PEX7: variants seen among roughly 807,000 people sequenced by gnomAD.
PEX7 encodes peroxisomal biogenesis factor 7.
A neutral mutation model predicts 47.5 loss-of-function variants in PEX7; 34 were observed. The ratio of observed to expected loss-of-function variants is 0.72; its 90% CI spans 0.54 to 0.95. The LOEUF (loss-of-function observed/expected upper bound fraction) is 0.95. PEX7 is among the 40% of genes least tolerant of loss of function. PEX7 has a pLI of 0.00. For synonymous variants in PEX7, 141 were observed against 148.8 expected, an observed-to-expected ratio of 0.95 and a Z score of 0.38; for missense variants, 394 against 400.3, an observed-to-expected ratio of 0.98 and a Z score of 0.13.
intron 9 of PEX7, among the ~76,000 whole-genome samples, chr6:136,902,941 A>G (rs1021322969): frequency 6.6e-6 from 1 of 152,170 alleles, no homozygotes; most frequent in Non-Finnish European, 1.5e-5. Flanking sequence ...ATAAGCTTTA[A>G]TGTTTTCCTC....
At chr6:136,908,830 T>C (rs576064378) in intron 9 of PEX7, among the ~76,000 whole-genome samples, 9 of 152,316 alleles carry the variant, frequency 5.9e-5, no homozygotes, top group African/African-American at 1.9e-4. Context: ...CTCGGATGTA[T>C]CCCACTGCCT....
At chr6:136,881,794 C>A (rs989729587) in intron 8 of PEX7, among the ~76,000 whole-genome samples, 5 of 152,166 alleles carry the variant, frequency 3.3e-5, no homozygotes, top group Non-Finnish European at 5.9e-5. Context: ...ACTTTTCTCT[C>A]CACTGTTAAA....
rs565749468 is a variant in PEX7 at position 136,865,308 on chromosome 6, A to AT, written c.527-1312dup. On this transcript the variant is annotated intron_variant, in intron 5 of 9. Transcript: ENST00000318471. ...TCTCTCACTCTTTATTTATTTATTTATTTTTTTGAGATAGAATTTCACTCT... is the reference window on the plus strand; with the variant it reads ...TCTCTCACTCTTTATTTATTTATTTATTTTTTTTGAGATAGAATTTCACTCT... Among the ~76,000 whole-genome samples, 7 of 151,858 alleles carry AT rather than the reference A, an allele frequency of 4.6e-5. No homozygotes were observed. The East Asian group carries it at 1.4e-3, about 29-fold the overall frequency.
chr6:136,872,262 G>GT lies in PEX7; in HGVS notation c.803+14dup, dbSNP rs777087989. On this transcript the variant is annotated intron_variant, in intron 8 of 9. Coordinates refer to ENST00000318471, the MANE Select transcript of PEX7 (RefSeq NM_000288.4). ...TATGATTTTACTGTAAGGTACAGTG[G>GT]TTTTTAATACATTTCATTGTGAAAT... The GT allele has an allele frequency of 2.7e-5, 44 of 1,604,844 alleles. No individual in the cohort carries two copies. The South Asian group carries it at 4.8e-4, about 17-fold the overall frequency.
chr6:136,863,086 T>G (rs1162924882), intron 5 of PEX7, among the ~76,000 whole-genome samples: 1 of 152,208 alleles, frequency 6.6e-6, no homozygotes, highest in African/African-American at 2.4e-5. Flanking sequence ...TTGGAGTTAT[T>G]TGAAGCTCTA....
At position 136,863,868 on chromosome 6, in the gene PEX7, C is replaced by T. The variant is rs182138935; in HGVS notation, c.527-2759C>T. 3.9e-5 allele frequency among the ~76,000 whole-genome samples: 6 copies of T among 152,298 alleles called. No homozygotes were observed. The East Asian group carries it at 7.7e-4, about 20-fold the overall frequency. On this transcript the variant is annotated intron_variant, in intron 5 of 9. Coordinates refer to ENST00000318471, the MANE Select transcript of PEX7 (RefSeq NM_000288.4). ...AGGTTGCAGTGAGCTGAGATCGCATCACTGCACTCCAGCCTGGAAATTAAA... is the reference window on the plus strand; with the variant it reads ...AGGTTGCAGTGAGCTGAGATCGCATTACTGCACTCCAGCCTGGAAATTAAA...
intron 5 of PEX7, among the ~76,000 whole-genome samples, chr6:136,863,504 AT>A (rs1775003268): frequency 6.6e-6 from 1 of 152,212 alleles, no homozygotes. Flanking sequence ...TATTACCAAA[AT>A]GCAAACTAAA....
At chr6:136,844,409 G>A (rs1476961790) in intron 3 of PEX7, among the ~76,000 whole-genome samples, 1 of 152,032 alleles carries the variant, frequency 6.6e-6, no homozygotes, top group Admixed American at 6.6e-5. Context: ...TACAGCTTAG[G>A]GTTTTGATCT....
intron 8 of PEX7, among the ~76,000 whole-genome samples, chr6:136,889,029 G>T (rs1775513762): frequency 6.6e-6 from 1 of 152,052 alleles, no homozygotes; most frequent in Admixed American, 6.6e-5. Flanking sequence ...CAAATCAAGT[G>T]TAATATGCAA....
At chr6:136,826,760 G>A (rs554690344) in intron 3 of PEX7, among the ~76,000 whole-genome samples, 2 of 152,202 alleles carry the variant, frequency 1.3e-5, no homozygotes, top group East Asian at 1.9e-4. Flanking sequence ...CTTTCTTTGT[G>A]CTCTAAGAAT....
chr6:136,846,897 GATCCTTGAGGA>G (rs1383792761), intron 5 of PEX7, among the ~76,000 whole-genome samples: 2 of 152,276 alleles, frequency 1.3e-5, no homozygotes, highest in East Asian at 3.9e-4. Context: ...TCTAGTTCTA[GATCCTTGAGGA>G]ATCGCCACAC....
intron 5 of PEX7, among the ~76,000 whole-genome samples, chr6:136,858,596 C>A (rs1304065285): frequency 6.6e-6 from 1 of 152,170 alleles, no homozygotes; most frequent in Non-Finnish European, 1.5e-5. Context: ...TTTTAAATCC[C>A]AGCTGAATCT....
At chr6:136,843,208 G>C (rs904349519) in intron 3 of PEX7, among the ~76,000 whole-genome samples, 1 of 152,174 alleles carries the variant, frequency 6.6e-6, no homozygotes, top group African/African-American at 2.4e-5. Flanking sequence ...CTCTGGACAA[G>C]TTACTTAACC....
chr6:136,826,363 A>G lies in PEX7; in HGVS notation c.233A>G (p.Asn78Ser), dbSNP rs755219148. ...TTGTTTGATGTGACTTGGAGTGAGA[A>G]CAACGAACATGTCCTCATCACCTGT... Reference protein sequence around the residue: ...DGLFDVTWSENNEHVLITCSG... With the variant: ...DGLFDVTWSESNEHVLITCSG... The change falls in exon 3 of 10, where the codon AAC (asparagine) becomes AGC (serine). Residue 78 changes from asparagine to serine, a missense_variant. Physicochemically the swap from Asn to Ser is conservative, Grantham distance 46. Transcript: ENST00000318471. 2.5e-6 allele frequency: 4 copies of G among 1,614,076 alleles called. No individual in the cohort carries two copies. In the Admixed American group the frequency reaches 6.7e-5, roughly 27 times the overall value.
intron 8 of PEX7, among the ~76,000 whole-genome samples, chr6:136,884,870 C>T (rs1161848680): frequency 1.3e-5 from 2 of 152,168 alleles, no homozygotes; most frequent in African/African-American, 4.8e-5. Context: ...TCTTTCTAAA[C>T]TTCACTCAAG....
chr6:136,833,272 T>A (rs1273418638), intron 3 of PEX7, among the ~76,000 whole-genome samples: 1 of 152,018 alleles, frequency 6.6e-6, no homozygotes, highest in Non-Finnish European at 1.5e-5. Flanking sequence ...AAGCATCAGA[T>A]CACATGAAAA....
In PEX7 at chr6:136,822,761, G is replaced by A. The variant is rs1397119638; in HGVS notation, c.96G>A (p.Leu32=). ...TCTCCCCGTACCTGCCGGGCCGCCT[G>A]GCCTGCGCCACCGCGCAGCACTACG... ...AEFSPYLPGR[L]ACATAQHYGI... is the part of the protein sequence containing the mutation. The change falls in exon 1 of 10, where the codon CTG becomes CTA. Residue 32 remains leucine (L), a synonymous_variant. Transcript: ENST00000318471. The A allele has an allele frequency of 2.7e-6, 4 of 1,473,760 alleles. No homozygotes were observed. The highest frequency in any genetic ancestry group is 2.4e-4 in the Middle Eastern group (1 of 4,210). 91.3% of individuals were successfully genotyped at this position (1,473,760 alleles called of 1,614,324 possible). A position where few individuals can be genotyped will look rare whatever the true frequency, so the allele number is the denominator to read the frequency against.
At chr6:136,827,351 A>C (rs1299477470) in intron 3 of PEX7, among the ~76,000 whole-genome samples, 1 of 152,236 alleles carries the variant, frequency 6.6e-6, no homozygotes, top group African/African-American at 2.4e-5. Context: ...TATTTGAATA[A>C]ATGTAGTTGT....
chr6:136,829,510 G>A (rs948616552), intron 3 of PEX7, among the ~76,000 whole-genome samples: 1 of 152,144 alleles, frequency 6.6e-6, no homozygotes, highest in Non-Finnish European at 1.5e-5. Context: ...TTACACTGGG[G>A]GGTTAAGATT....
Sources: gnomAD v4.1 joint callset for allele counts (sites outside exome capture counted in the v4.1 genomes callset) on GRCh38, gnomAD v4.1.1 for gene constraint, MANE v1.5 for transcripts, NCBI Gene and HGNC (gene_info 2026-07-23, HGNC 2026-07-21) for gene names.